Variants in LRP8 observed in about 807,000 individuals in gnomAD.
LRP8 encodes the protein low-density lipoprotein receptor-related protein 8.
LRP8 carries 46 observed loss-of-function variants against 111.6 expected under a neutral mutation model. The ratio of observed to expected loss-of-function variants is 0.41; its 90% CI spans 0.33 to 0.53. LRP8 has a LOEUF of 0.53. Among genes scored for constraint, LRP8 ranks in the 20% least tolerant of loss-of-function variants. The pLI is 0.20. For synonymous variants in LRP8, 464 were observed against 511.2 expected (o/e 0.91, Z 1.24); for missense variants, 959 against 1,297.4 (o/e 0.74, Z 4.01).
chr1:53,270,677 G>A (rs569538652), intron 8 of LRP8, among the ~76,000 whole-genome samples: 13 of 152,334 alleles, frequency 8.5e-5, no homozygotes, highest in East Asian at 3.9e-4. Context: ...TAGGGCTGCC[G>A]CTGGTTCATT....
chr1:53,311,495 C>T (rs972318828), intron 2 of LRP8, among the ~76,000 whole-genome samples: 1 of 152,132 alleles, frequency 6.6e-6, no homozygotes, highest in Non-Finnish European at 1.5e-5. Context: ...GTGACAGCCT[C>T]TTGGCACTAG....
At chr1:53,312,657 C>A (rs1192986151) in intron 2 of LRP8, among the ~76,000 whole-genome samples, 2 of 152,060 alleles carry the variant, frequency 1.3e-5, no homozygotes, top group Non-Finnish European at 2.9e-5. Flanking sequence ...CTGTGCCTGG[C>A]CTTTTTCTTT....
At position 53,266,322 on chromosome 1, in the gene LRP8, G is replaced by A; in HGVS notation, c.1427+151C>T. The A allele has an allele frequency of 1.3e-6, 1 of 762,102 alleles. No individual in the cohort carries two copies. Among genetic ancestry groups the A allele is most frequent in the South Asian group, 2.0e-5 (1 of 49,442 alleles). 47.2% of individuals were successfully genotyped at this position (762,102 alleles called of 1,614,324 possible). A position where few individuals can be genotyped will look rare whatever the true frequency, so the allele number is the denominator to read the frequency against. On this transcript the variant is annotated intron_variant, in intron 9 of 18. Transcript: ENST00000306052. This position sits in a 1 kb window ranked among gnomAD's most constrained non-coding sequence, Gnocchi z 5.0. ...CTCCAGCCCCAGTAAAGTCCCAGAAGTTCCATATCCACTGTGATCCTGCAT... is the reference window on the plus strand; with the variant it reads ...CTCCAGCCCCAGTAAAGTCCCAGAAATTCCATATCCACTGTGATCCTGCAT...
At position 53,246,951 on chromosome 1, in the gene LRP8, C is replaced by T; in HGVS notation, c.*67G>A. On this transcript the variant is annotated 3_prime_UTR_variant, in exon 19 of 19. Transcript: ENST00000306052. ...ATATATAGAAACCCATTCATCCAGT[C>T]ATACACCATCCAGAGTGTAGTGCAT... 7.1e-7 allele frequency: 1 copy of T among 1,416,800 alleles called. No individual in the cohort carries two copies. The highest frequency in any genetic ancestry group is 9.9e-7 in the Non-Finnish European group (1 of 1,007,672). 87.8% of individuals were successfully genotyped at this position (1,416,800 alleles called of 1,614,324 possible). A position where few individuals can be genotyped will look rare whatever the true frequency, so the allele number is the denominator to read the frequency against.
At chr1:53,285,799 A>G (rs561187695) in intron 3 of LRP8, among the ~76,000 whole-genome samples, 2 of 152,304 alleles carry the variant, frequency 1.3e-5, no homozygotes, top group African/African-American at 4.8e-5. Context: ...GGAGGGGACC[A>G]TATGCCTTTG....
chr1:53,268,884 G>A (rs557070685), intron 8 of LRP8, among the ~76,000 whole-genome samples: 1 of 152,248 alleles, frequency 6.6e-6, no homozygotes, highest in East Asian at 1.9e-4. Flanking sequence ...AATAATGTGG[G>A]AATAAGGGTT....
At chr1:53,313,352 G>A (rs568873055) in intron 2 of LRP8, among the ~76,000 whole-genome samples, 8 of 152,086 alleles carry the variant, frequency 5.3e-5, no homozygotes, top group Non-Finnish European at 1.2e-4. Flanking sequence ...AGTCATGTGC[G>A]GCAAGAGGGG....
intron 2 of LRP8, among the ~76,000 whole-genome samples, chr1:53,320,423 A>G (rs1318392799): frequency 2.0e-5 from 3 of 152,174 alleles, no homozygotes; most frequent in Admixed American, 1.3e-4. Context: ...ATGGTGCCCT[A>G]CTGACGATGG....
At position 53,260,612 on chromosome 1, in the gene LRP8, G is replaced by T. The variant is rs199944823; in HGVS notation, c.1915-7C>A. ...CTGTCCAGAACACCTTGTCCTGTGG[G>T]GTATAGATGCAGAGGATGGGAGGCC... is the stretch of plus-strand genomic sequence containing the variant. On this transcript the variant is annotated splice_region_variant and splice_polypyrimidine_tract_variant and intron_variant, in intron 12 of 18. Coordinates refer to ENST00000306052, the MANE Select transcript of LRP8 (RefSeq NM_004631.5). The T allele has an allele frequency of 1.9e-6, 3 of 1,613,610 alleles. No homozygotes were observed. The highest frequency in any genetic ancestry group is 2.5e-6 in the Non-Finnish European group (3 of 1,179,662).
intron 2 of LRP8, among the ~76,000 whole-genome samples, chr1:53,326,455 G>A (rs1048504092): frequency 6.6e-6 from 1 of 152,264 alleles, no homozygotes; most frequent in African/African-American, 2.4e-5. Context: ...AGGAAAAGGA[G>A]CGCAGTGCGG....
rs1418416655 is a variant in LRP8, at chr1:53,327,902, G to C, written c.11C>G (p.Pro4Arg). 1.4e-6 allele frequency: 2 copies of C among 1,440,250 alleles called. No individual in the cohort carries two copies. Among genetic ancestry groups the C allele is most frequent in the African/African-American group, 3.0e-5 (2 of 67,744 alleles). 89.2% of individuals were successfully genotyped at this position (1,440,250 alleles called of 1,614,324 possible). MGLPEPGPLRLLAL... is the reference protein window; with the variant it reads MGLREPGPLRLLAL... ...CAGAAGCCGGAGAGGGCCCGGCTCG[G>C]GGAGGCCCATGGCGGGCCCGGGGCT... The change falls in exon 1 of 19, where the codon CCC (proline) becomes CGC (arginine). Residue 4 changes from proline (P) to arginine (R), a missense_variant. Physicochemically the swap from Pro to Arg is moderately radical, Grantham distance 103. This residue lies in a region of LRP8 where 97 missense variants were observed against 107.5 expected (regional missense o/e 0.90). Coordinates refer to ENST00000306052, the MANE Select transcript of LRP8 (RefSeq NM_004631.5).
chr1:53,260,424 C>G (rs1452515125), intron 13 of LRP8, 40 bp downstream of exon 13: 2 of 1,606,208 alleles, frequency 1.2e-6, no homozygotes, highest in Non-Finnish European at 1.7e-6. Flanking sequence ...CACAGTGACA[C>G]AGTCAGGGGA....
chr1:53,264,757 C>T lies in LRP8; in HGVS notation c.1428-361G>A, dbSNP rs80187912. Among the ~76,000 whole-genome samples, 549 of 152,272 alleles carry T rather than the reference C, an allele frequency of 3.6e-3. 4 individuals carry two copies. Among genetic ancestry groups the T allele is most frequent in the African/African-American group, 0.013 (529 of 41,534 alleles). On this transcript the variant is annotated intron_variant, in intron 9 of 18. Coordinates refer to ENST00000306052, the MANE Select transcript of LRP8 (RefSeq NM_004631.5). ...ATAGTTGAGTCCTGAAGGACGAGTT[C>T]ACCAGGAGCATGAAGTCACCAGGAC...
chr1:53,276,659 T>C (rs1572514463), intron 5 of LRP8, 33 bp downstream of exon 5: 2 of 1,471,460 alleles, frequency 1.4e-6, no homozygotes, highest in Non-Finnish European at 1.8e-6. Flanking sequence ...CCGCAATCCC[T>C]GGGCGGGGCT....
At chr1:53,295,303 C>T (rs555602415) in intron 2 of LRP8, among the ~76,000 whole-genome samples, 7 of 152,208 alleles carry the variant, frequency 4.6e-5, no homozygotes, top group South Asian at 4.2e-4. Context: ...CATGGAGGAG[C>T]GAGCAGAGTG....
rs1649187088 is a variant in LRP8 at position 53,293,679 on chromosome 1, C to T, written c.245-3990G>A. Among the ~76,000 whole-genome samples the T allele has an allele frequency of 6.6e-6, 1 of 152,170 alleles. No individual in the cohort carries two copies. The highest frequency in any genetic ancestry group is 6.5e-5 in the Admixed American group (1 of 15,280). The stretch of plus-strand genomic sequence containing the variant: ...TCTCTCAGGTCTCCTGGAATGTGCC[C>T]AGAAGTGTGCAGCAGAATAAACCCA... On this transcript the variant is annotated intron_variant, in intron 2 of 18. Coordinates refer to ENST00000306052, the MANE Select transcript of LRP8 (RefSeq NM_004631.5). The surrounding 1 kb of genome is among the most constrained non-coding windows in gnomAD (Gnocchi z 4.9).
chr1:53,309,223 C>T (rs560068358), intron 2 of LRP8, among the ~76,000 whole-genome samples: 264 of 152,160 alleles, frequency 1.7e-3, no homozygotes, highest in African/African-American at 5.6e-3. Context: ...TGCAGTGAGC[C>T]GAGACCATGC....
intron 10 of LRP8, 118 bp downstream of exon 10, chr1:53,264,051 A>G (rs908500016): frequency 3.1e-6 from 3 of 958,872 alleles, no homozygotes; most frequent in Non-Finnish European, 4.7e-6. Flanking sequence ...TTTCTTCCCC[A>G]TGGCCTGTGT....
intron 2 of LRP8, among the ~76,000 whole-genome samples, chr1:53,326,252 T>A (rs776364346): frequency 4.6e-5 from 7 of 152,178 alleles, no homozygotes; most frequent in Admixed American, 2.0e-4. Flanking sequence ...CCTACCACCC[T>A]AAGGATATGC....
Sources: gnomAD v4.1 joint callset for allele counts (sites outside exome capture counted in the v4.1 genomes callset) on GRCh38, gnomAD v4.1.1 for gene constraint, gnomAD v4.1.1 regional missense constraint, Gnocchi (gnomAD v3.1) non-coding constraint, MANE v1.5 for transcripts, NCBI Gene and HGNC (gene_info 2026-07-23, HGNC 2026-07-21) for gene names.